The following HNRNPL variants were observed in gnomAD, a reference collection of about 807,000 sequenced individuals.
HNRNPL encodes the protein epididymis secretory sperm binding protein.
In HNRNPL, 12 loss-of-function variants were observed where a neutral mutation model predicts 64.0. That is an observed-to-expected ratio of 0.19 (90% CI 0.12 to 0.30). The LOEUF is 0.30. Ranked by LOEUF, HNRNPL falls within the 10% of genes least tolerant of loss-of-function variation. HNRNPL has a pLI of 1.00. For missense variants in HNRNPL, 484 were observed against 797.4 expected (o/e 0.61, Z 4.73); for synonymous variants, 385 against 313.0 (o/e 1.23, Z -2.43).
At chr19:38,846,613 C>T (rs112105451) in intron 2 of HNRNPL, among the ~76,000 whole-genome samples, 184 of 152,190 alleles carry the variant, frequency 1.2e-3, no homozygotes, top group African/African-American at 4.0e-3. Flanking sequence ...CTCTACAGAA[C>T]AATATAAAAA....
At position 38,849,859 on chromosome 19, in the gene HNRNPL, C is replaced by T. The variant is rs1382965428; in HGVS notation, c.108G>A (p.Ala36=). 8.2e-7 allele frequency: 1 copy of T among 1,226,200 alleles called. No homozygotes were observed. Among genetic ancestry groups the T allele is most frequent in the Non-Finnish European group, 1.1e-6 (1 of 870,496 alleles). 76.0% of individuals were successfully genotyped at this position (1,226,200 alleles called of 1,614,324 possible). A position where few individuals can be genotyped will look rare whatever the true frequency, so the allele number is the denominator to read the frequency against. Residue 36 remains alanine, a synonymous_variant, in exon 1 of 13, where the codon GCG becomes GCA. Coordinates refer to ENST00000221419, the MANE Select transcript of HNRNPL (RefSeq NM_001533.3). The stretch of plus-strand genomic sequence containing the variant: ...CACCGCCGCCTCCGCCGCCCGCCGC[C>T]GCCATCTTCACCATCGCTCCCGACC... ...RRRSGAMVKM[A]AAGGGGGGGR... is the part of the protein sequence containing the mutation.
Position 38,840,247 on chromosome 19 carries a change from G to C in HNRNPL, c.1082C>G (p.Pro361Arg). 6.3e-7 allele frequency: 1 copy of C among 1,581,326 alleles called. No homozygotes were observed. Among genetic ancestry groups the C allele is most frequent in the Non-Finnish European group, 8.6e-7 (1 of 1,163,504 alleles). Residue 361 changes from proline to arginine, a missense_variant, in exon 8 of 13, where the codon CCC becomes CGC. By Grantham distance (103) the Pro-to-Arg change is moderately radical. This residue lies in a region of HNRNPL where 25 missense variants were observed against 67.0 expected (regional missense o/e 0.37). Transcript: ENST00000221419. ...GHRRGPSRYG[P>R]QYGHPPPPPP... ...AGGGGGTGGGGGGTGCCCATACTGG[G>C]GGCCGTAGCGACTTGGGCCCCGACG...
intron 1 of HNRNPL, among the ~76,000 whole-genome samples, chr19:38,848,954 C>T (rs1972399610): frequency 6.6e-6 from 1 of 152,062 alleles, no homozygotes; most frequent in African/African-American, 2.4e-5. Flanking sequence ...GGGGACTGGG[C>T]CCCACTCCAA....
intron 2 of HNRNPL, 150 bp downstream of exon 2, chr19:38,847,164 CAA>C: frequency 4.0e-6 from 2 of 494,086 alleles, no homozygotes; most frequent in Non-Finnish European, 7.4e-6. Context: ...TAATCTGACA[CAA>C]AGTACAATGG....
chr19:38,845,820 G>A (rs1972274153), intron 3 of HNRNPL, 33 bp downstream of exon 3: 5 of 1,601,014 alleles, frequency 3.1e-6, no homozygotes, highest in Non-Finnish European at 1.7e-6. Flanking sequence ...AAAAGGAAGG[G>A]AGACCTCACA....
intron 8 of HNRNPL, chr19:38,839,432 T>A: frequency 5.3e-6 from 1 of 188,206 alleles, no homozygotes; most frequent in East Asian, 1.4e-4. Flanking sequence ...TGGCTCTGAG[T>A]CCTGCTTCAC....
At chr19:38,848,667 C>A (rs1277863069) in intron 1 of HNRNPL, among the ~76,000 whole-genome samples, 1 of 152,226 alleles carries the variant, frequency 6.6e-6, no homozygotes, top group East Asian at 1.9e-4. Context: ...GCAGCTCCCA[C>A]AAATGGGAGT....
Position 38,840,199 on chromosome 19 carries a change from G to C in HNRNPL, c.1130C>G (p.Pro377Arg). Residue 377 changes from proline to arginine, a missense_variant, in exon 8 of 13, where the codon CCT (proline) becomes CGT (arginine). By Grantham distance (103) the Pro-to-Arg change is moderately radical. This residue lies in a region of HNRNPL where 25 missense variants were observed against 67.0 expected (regional missense o/e 0.37). Transcript: ENST00000221419. The stretch of plus-strand genomic sequence containing the variant: ...CATGAGCACAGGGCTGTCGGCGTGA[G>C]GGCCATACTCGGGTGGTGGGGGAGG... ...PPPPPPPEYG[P>R]HADSPVLMVY... The C allele has an allele frequency of 6.3e-7, 1 of 1,593,902 alleles. No homozygotes were observed. Among genetic ancestry groups the C allele is most frequent in the Non-Finnish European group, 8.6e-7 (1 of 1,165,658 alleles).
chr19:38,837,227 G>A, intron 12 of HNRNPL, 157 bp downstream of exon 12: 1 of 636,696 alleles, frequency 1.6e-6, no homozygotes, highest in Non-Finnish European at 2.8e-6. Context: ...GAGGAGCACA[G>A]GCTGCTCTCC....
chr19:38,850,230 A>G (rs1461423168), upstream of HNRNPL: 2 of 391,218 alleles, frequency 5.1e-6, no homozygotes, highest in Non-Finnish European at 9.1e-6. Flanking sequence ...CCAATTTGAT[A>G]GGTCGGATTT....
At chr19:38,848,194 G>A (rs112962375) in intron 1 of HNRNPL, among the ~76,000 whole-genome samples, 8,033 of 152,198 alleles carry the variant, frequency 0.053, 292 homozygotes, top group Non-Finnish European at 0.083. Flanking sequence ...AGGTTCAAGC[G>A]ATTCTCCTGC....
intron 11 of HNRNPL, 47 bp from the exon 12 acceptor site, chr19:38,837,526 T>C (rs988972352): frequency 5.0e-6 from 8 of 1,611,658 alleles, no homozygotes; most frequent in East Asian, 4.5e-5. Flanking sequence ...ACTCACCCAA[T>C]AGGAACTAGG....
At chr19:38,847,010 C>A (rs1466098262) in intron 2 of HNRNPL, among the ~76,000 whole-genome samples, 1 of 152,006 alleles carries the variant, frequency 6.6e-6, no homozygotes. Context: ...AGAAGGACTG[C>A]CTGAGCCTGG....
intron 12 of HNRNPL, 163 bp downstream of exon 12, chr19:38,837,221 A>T: frequency 1.6e-6 from 1 of 628,496 alleles, no homozygotes. Flanking sequence ...TCCCAAGAGG[A>T]GCACAGGCTG....
intron 6 of HNRNPL, chr19:38,842,073 GTTTT>G (rs1048018763): frequency 8.5e-6 from 1 of 117,344 alleles, no homozygotes; most frequent in Non-Finnish European, 2.1e-5. Context: ...GTCTGTTTTG[GTTTT>G]TTTGATTTTT....
rs745567682 is a variant in HNRNPL, at chr19:38,845,871, G to A, written c.606C>T (p.Pro202=). The A allele has an allele frequency of 9.9e-6, 16 of 1,613,886 alleles. No homozygotes were observed. Among genetic ancestry groups the A allele is most frequent in the Admixed American group, 3.3e-5 (2 of 60,006 alleles). ...CACGTACCGTGGTGATCGAATAAATGGGGTTCAGGATGGTAAAGAGAAGCA... is the reference window on the plus strand; with the variant it reads ...CACGTACCGTGGTGATCGAATAAATAGGGTTCAGGATGGTAAAGAGAAGCA... ...NSVLLFTILN[P]IYSITTDVLY... is the part of the protein sequence containing the mutation. Residue 202 remains proline (P), a synonymous_variant, in exon 3 of 13, where the codon CCC becomes CCT. Transcript: ENST00000221419.
intron 1 of HNRNPL, among the ~76,000 whole-genome samples, chr19:38,848,224 G>A (rs903412305): frequency 1.3e-5 from 2 of 152,150 alleles, no homozygotes; most frequent in African/African-American, 4.8e-5. Context: ...CCGAGTAGCT[G>A]GAATTACAGG....
At chr19:38,837,347 C>A in intron 12 of HNRNPL, 37 bp downstream of exon 12, 1 of 1,537,668 alleles carries the variant, frequency 6.5e-7, no homozygotes, top group South Asian at 1.1e-5. Context: ...CCCATTAGGT[C>A]ACCAGGTTGA....
At position 38,848,992 on chromosome 19, in the gene HNRNPL, CT is replaced by C. The variant is rs577159261; in HGVS notation, c.267+707del. 1.6e-3 allele frequency among the ~76,000 whole-genome samples: 237 copies of C among 152,280 alleles called. 2 individuals are homozygous for C. Among genetic ancestry groups the C allele is most frequent in the Admixed American group, 5.7e-3 (88 of 15,308 alleles). On this transcript the variant is annotated intron_variant, in intron 1 of 12. Transcript: ENST00000221419. ...GCAACGACTGGTGTTTTCGGAGGGA[CT>C]GATTACAGGGGGTCGAAATGCTTCC...
Sources: gnomAD v4.1 joint callset for allele counts (sites outside exome capture counted in the v4.1 genomes callset) on GRCh38, gnomAD v4.1.1 for gene constraint, gnomAD v4.1.1 regional missense constraint, MANE v1.5 for transcripts, NCBI Gene and HGNC (gene_info 2026-07-23, HGNC 2026-07-21) for gene names.